Variants in KLF7 observed in about 807,000 individuals in gnomAD.
KLF7 encodes the protein KLF transcription factor 7.
KLF7 carries 2 observed loss-of-function variants against 27.3 expected under a neutral mutation model. That is an observed-to-expected ratio of 0.07 (90% CI 0.03 to 0.23). The LOEUF (loss-of-function observed/expected upper bound fraction) is 0.23. Among genes scored for constraint, KLF7 ranks in the 10% least tolerant of loss-of-function variants. KLF7 has a pLI of 1.00. For missense variants in KLF7, 221 were observed against 394.1 expected (o/e 0.56, Z 3.72); for synonymous variants, 165 against 162.4 (o/e 1.02, Z -0.12).
chr2:207,131,658 C>T (rs1205126069), intron 1 of KLF7, among the ~76,000 whole-genome samples: 2 of 152,190 alleles, frequency 1.3e-5, no homozygotes, highest in African/African-American at 4.8e-5. Flanking sequence ...AAGACTGATA[C>T]TGATGGGAAC....
chr2:207,089,742 C>T (rs2076468203), intron 2 of KLF7, among the ~76,000 whole-genome samples: 1 of 152,014 alleles, frequency 6.6e-6, no homozygotes, highest in Non-Finnish European at 1.5e-5. Context: ...TAATAGGTAC[C>T]TCAAAGGGTT....
At chr2:207,130,068 C>T (rs1200899292) in intron 1 of KLF7, among the ~76,000 whole-genome samples, 1 of 152,212 alleles carries the variant, frequency 6.6e-6, no homozygotes, top group Non-Finnish European at 1.5e-5. Flanking sequence ...TTACGTGGAA[C>T]TTGCCAGTCA....
intron 2 of KLF7, among the ~76,000 whole-genome samples, chr2:207,113,616 G>A (rs1226218187): frequency 7.7e-6 from 1 of 130,058 alleles, no homozygotes; most frequent in African/African-American, 2.7e-5. Flanking sequence ...GTGGGGGGGG[G>A]GGGGAAATGA....
intron 1 of KLF7, chr2:207,134,175 T>TTTTTTTA (rs10681871): frequency 2.9e-6 from 4 of 1,360,542 alleles, no homozygotes; most frequent in South Asian, 1.4e-5. Context: ...TTTTTTTTTT[T>TTTTTTTA]AAAGCAAACT....
At chr2:207,149,136 T>C (rs1421319271) in intron 1 of KLF7, 2 of 1,287,712 alleles carry the variant, frequency 1.6e-6, no homozygotes, top group Non-Finnish European at 2.0e-6. Context: ...CCAGTCATGT[T>C]GATTTCATAG....
At chr2:207,140,432 A>G (rs2106057052) in intron 1 of KLF7, among the ~76,000 whole-genome samples, 1 of 152,294 alleles carries the variant, frequency 6.6e-6, no homozygotes, top group Non-Finnish European at 1.5e-5. Flanking sequence ...ATTTTCCAAC[A>G]CCAGTATCAT....
At chr2:207,099,550 C>CAATATATATATATATATATATA in intron 2 of KLF7, among the ~76,000 whole-genome samples, 1 of 22,846 alleles carries the variant, frequency 4.4e-5, no homozygotes, top group African/African-American at 3.6e-4. Context: ...GCTACATATG[C>CAATATATATATATATATATATA]GATATATATA....
intron 3 of KLF7, among the ~76,000 whole-genome samples, chr2:207,085,067 C>A (rs1203144011): frequency 6.9e-6 from 1 of 144,110 alleles, no homozygotes. Flanking sequence ...GAGGCTGAGG[C>A]AGGAGAATCG....
chr2:207,105,118 C>CA (rs1012748658), intron 2 of KLF7, among the ~76,000 whole-genome samples: 1 of 152,050 alleles, frequency 6.6e-6, no homozygotes, highest in African/African-American at 2.4e-5. Context: ...GTCACCTTCT[C>CA]AAAAAAATCG....
chr2:207,132,504 A>G (rs534091239), intron 1 of KLF7, among the ~76,000 whole-genome samples: 1 of 152,310 alleles, frequency 6.6e-6, no homozygotes, highest in African/African-American at 2.4e-5. Flanking sequence ...ATTTGTTTGC[A>G]TATGTTTCCT....
At chr2:207,114,185 C>T (rs12328915) in intron 2 of KLF7, among the ~76,000 whole-genome samples, 3,309 of 152,260 alleles carry the variant, frequency 0.022, 139 homozygotes, top group African/African-American at 0.076. Context: ...CATTCTCTCC[C>T]GAACACTAGG....
chr2:207,148,468 T>C (rs1484787826), intron 1 of KLF7, among the ~76,000 whole-genome samples: 1 of 152,176 alleles, frequency 6.6e-6, no homozygotes, highest in Non-Finnish European at 1.5e-5. Flanking sequence ...GCTTTTGCTT[T>C]GAATGGATGT....
chr2:207,164,182 CTGT>C (rs1318120158), intron 1 of KLF7, among the ~76,000 whole-genome samples: 1 of 152,248 alleles, frequency 6.6e-6, no homozygotes, highest in Non-Finnish European at 1.5e-5. Flanking sequence ...AAAGCAGAGA[CTGT>C]TACATCTCAG....
At position 207,165,937 on chromosome 2, in the gene KLF7, T is replaced by C. The variant is rs1401710376; in HGVS notation, c.-369A>G. The stretch of plus-strand genomic sequence containing the variant: ...CTGACACGAAGCTGCCATCTATTTC[T>C]GCAGCGCTGTTCGCTCCTAATGCAA... On this transcript the variant is annotated 5_prime_UTR_variant, in exon 1 of 4. Transcript: ENST00000309446. 8 of 1,072,698 alleles carry C rather than the reference T, an allele frequency of 7.5e-6. No homozygotes were observed. In the East Asian group the frequency reaches 5.2e-4, roughly 69 times the overall value. The allele number at this position is 1,072,698 out of a possible 1,614,324, so 66.4% of individuals were successfully genotyped here.
chr2:207,159,312 A>T (rs2078475461), intron 1 of KLF7, among the ~76,000 whole-genome samples: 1 of 152,222 alleles, frequency 6.6e-6, no homozygotes, highest in African/African-American at 2.4e-5. Flanking sequence ...ATTGGCTGAA[A>T]GCTTTTTCAC....
At chr2:207,083,248 C>T (rs764372537) in intron 3 of KLF7, among the ~76,000 whole-genome samples, 1 of 152,142 alleles carries the variant, frequency 6.6e-6, no homozygotes, top group Non-Finnish European at 1.5e-5. Flanking sequence ...TAATTCATGT[C>T]CTGAGGGTAC....
chr2:207,162,083 T>G lies in KLF7; in HGVS notation c.102+3384A>C, dbSNP rs939303514. Among the ~76,000 whole-genome samples, 12 of 152,254 alleles carry G rather than the reference T, an allele frequency of 7.9e-5. No homozygotes were observed. The East Asian group carries it at 2.1e-3, about 27-fold the overall frequency. ...AATAGCAGACTAGAGATAAAACATA[T>G]AAAAGTTCTAAAAGTCTTTGTATAT... On this transcript the variant is annotated intron_variant, in intron 1 of 3. Coordinates refer to ENST00000309446, the MANE Select transcript of KLF7 (RefSeq NM_003709.4).
chr2:207,161,425 G>A (rs946306899), intron 1 of KLF7, among the ~76,000 whole-genome samples: 4 of 152,146 alleles, frequency 2.6e-5, no homozygotes, highest in Admixed American at 6.5e-5. Context: ...TTCCCTGGGT[G>A]GTGCTGTTGC....
In KLF7 at chr2:207,079,070, TTTTTTTGTTTTTG is replaced by T. The variant is rs908787009; in HGVS notation, c.*2130_*2142del. The stretch of plus-strand genomic sequence containing the variant: ...TTTTCGTTTTGTATTATTTTGTTTT[TTTTTTTGTTTTTG>T]TTTTTGTTTTTTTTGGTCTAAATAG... On this transcript the variant is annotated 3_prime_UTR_variant, in exon 4 of 4. Transcript: ENST00000309446. 3.3e-5 allele frequency: 5 copies of T among 151,910 alleles called. No homozygotes were observed. The highest frequency in any genetic ancestry group is 7.4e-5 in the Non-Finnish European group (5 of 67,978). 9.4% of individuals were successfully genotyped at this position (151,910 alleles called of 1,614,324 possible).
Sources: gnomAD v4.1 joint callset for allele counts (sites outside exome capture counted in the v4.1 genomes callset) on GRCh38, gnomAD v4.1.1 for gene constraint, MANE v1.5 for transcripts, NCBI Gene and HGNC (gene_info 2026-07-23, HGNC 2026-07-21) for gene names.